The following IGSF21 variants were observed in gnomAD, a reference collection of about 807,000 sequenced individuals.
IGSF21 encodes the protein immunoglobulin superfamily member 21.
A neutral mutation model predicts 46.8 loss-of-function variants in IGSF21; 28 were observed. The ratio of observed to expected loss-of-function variants is 0.60; its 90% CI spans 0.44 to 0.82. IGSF21 has a LOEUF of 0.82. Among genes scored for constraint, IGSF21 ranks in the 40% least tolerant of loss-of-function variants. IGSF21 has a pLI of 0.00. For missense variants in IGSF21, 624 were observed against 665.5 expected (o/e 0.94, Z 0.69); for synonymous variants, 284 against 273.6 (o/e 1.04, Z -0.38).
At chr1:18,160,917 C>T (rs2124443108) in intron 1 of IGSF21, among the ~76,000 whole-genome samples, 1 of 152,280 alleles carries the variant, frequency 6.6e-6, no homozygotes, top group East Asian at 1.9e-4. Context: ...TGGAGGCTGA[C>T]TTGGCCTGCT....
chr1:18,369,333 G>A (rs1339227734), intron 6 of IGSF21, among the ~76,000 whole-genome samples: 3 of 152,224 alleles, frequency 2.0e-5, no homozygotes, highest in African/African-American at 4.8e-5. Context: ...TCTGCAAGAT[G>A]CTTTCCTCAC....
intron 2 of IGSF21, among the ~76,000 whole-genome samples, chr1:18,288,315 G>T (rs1366694259): frequency 1.3e-5 from 2 of 152,168 alleles, no homozygotes; most frequent in Non-Finnish European, 2.9e-5. Flanking sequence ...CCTCCAAGGG[G>T]ATTCTTGGCT....
At chr1:18,218,246 C>A (rs1357615179) in intron 1 of IGSF21, among the ~76,000 whole-genome samples, 1 of 152,174 alleles carries the variant, frequency 6.6e-6, no homozygotes. Flanking sequence ...GGGGGAGCTG[C>A]TACACACTTT....
chr1:18,365,640 A>G lies in IGSF21; in HGVS notation c.958A>G (p.Ser320Gly). 2 of 1,614,194 alleles carry G rather than the reference A, an allele frequency of 1.2e-6. No homozygotes were observed. Among genetic ancestry groups the G allele is most frequent in the Non-Finnish European group, 1.7e-6 (2 of 1,180,024 alleles). The change falls in exon 6 of 10, where the codon AGC becomes GGC. Residue 320 changes from serine to glycine, a missense_variant. Ser to Gly is a moderately conservative substitution (Grantham distance 56, BLOSUM62 0). Transcript: ENST00000251296. The surrounding 1 kb of genome is among the most constrained non-coding windows in gnomAD (Gnocchi z 4.8). ...NPQIDNEALF[S>G]CEVKHPALSM... ...ACAGATCGACAACGAGGCCCTCTTC[A>G]GCTGCGAGGTCAAGCACCCAGCTCT...
At chr1:18,320,203 G>A (rs1047795949) in intron 3 of IGSF21, among the ~76,000 whole-genome samples, 1 of 152,158 alleles carries the variant, frequency 6.6e-6, no homozygotes, top group Non-Finnish European at 1.5e-5. Context: ...GTGCCAGCAG[G>A]AGTCCAGGCA....
At chr1:18,351,304 T>C (rs943750316) in intron 4 of IGSF21, among the ~76,000 whole-genome samples, 7 of 116,742 alleles carry the variant, frequency 6.0e-5, no homozygotes, top group Non-Finnish European at 1.3e-4. Context: ...CTTCATTCTA[T>C]GGGTGGGGGG....
At chr1:18,206,081 G>A (rs1043016938) in intron 1 of IGSF21, among the ~76,000 whole-genome samples, 6 of 152,224 alleles carry the variant, frequency 3.9e-5, no homozygotes, top group Non-Finnish European at 8.8e-5. Context: ...TTTAAATATG[G>A]TGTCAGGCAA....
In IGSF21 at chr1:18,108,186, G is replaced by T; in HGVS notation, c.58G>T (p.Asp20Tyr). The T allele has an allele frequency of 6.9e-7, 1 of 1,439,196 alleles. No individual in the cohort carries two copies. Among genetic ancestry groups the T allele is most frequent in the Non-Finnish European group, 9.1e-7 (1 of 1,098,638 alleles). 89.2% of individuals were successfully genotyped at this position (1,439,196 alleles called of 1,614,324 possible). A position where few individuals can be genotyped will look rare whatever the true frequency, so the allele number is the denominator to read the frequency against. ...CVCLLLAAILDLARGYLTVNI... is the reference protein window; with the variant it reads ...CVCLLLAAILYLARGYLTVNI... Reference sequence around the variant, plus strand: ...CTGCCTGCTGCTCGCCGCGATCCTGGACCTGGCGCGCGGTGAGTGCGCGGG... The same window carrying T: ...CTGCCTGCTGCTCGCCGCGATCCTGTACCTGGCGCGCGGTGAGTGCGCGGG... The change falls in exon 1 of 10, where the codon GAC becomes TAC. Residue 20 changes from aspartate to tyrosine, a missense_variant. Transcript: ENST00000251296.
At chr1:18,263,038 G>T (rs920348447) in intron 2 of IGSF21, among the ~76,000 whole-genome samples, 3 of 152,188 alleles carry the variant, frequency 2.0e-5, no homozygotes, top group South Asian at 2.1e-4. Context: ...CTGGACATCC[G>T]CAGGATGGGG....
At chr1:18,297,332 G>A (rs917254232) in intron 3 of IGSF21, among the ~76,000 whole-genome samples, 1 of 152,140 alleles carries the variant, frequency 6.6e-6, no homozygotes, top group African/African-American at 2.4e-5. Flanking sequence ...CTTAGGAAAG[G>A]AACATCCAGG....
At chr1:18,323,069 C>T (rs922713035) in intron 3 of IGSF21, among the ~76,000 whole-genome samples, 3 of 152,158 alleles carry the variant, frequency 2.0e-5, no homozygotes, top group African/African-American at 7.2e-5. Context: ...CACTGACTTC[C>T]TGGCTTGGAT....
chr1:18,371,633 C>A (rs1369347296), intron 6 of IGSF21, among the ~76,000 whole-genome samples: 2 of 151,846 alleles, frequency 1.3e-5, no homozygotes, highest in African/African-American at 4.8e-5. Flanking sequence ...TGTGTGAGTC[C>A]ATTTATTTGA....
intron 1 of IGSF21, among the ~76,000 whole-genome samples, chr1:18,198,907 C>G (rs937112221): frequency 1.3e-5 from 2 of 152,074 alleles, no homozygotes; most frequent in East Asian, 3.9e-4. Flanking sequence ...CTCCCCTGCC[C>G]CCTCTGCCCA....
intron 1 of IGSF21, chr1:18,110,389 CTG>C (rs1201382605): frequency 6.6e-6 from 1 of 152,428 alleles, no homozygotes; most frequent in African/African-American, 2.4e-5. Flanking sequence ...AAGAGGCGGG[CTG>C]TGCCGGAGGA....
chr1:18,318,228 C>A (rs2085562609), intron 3 of IGSF21, among the ~76,000 whole-genome samples: 1 of 152,132 alleles, frequency 6.6e-6, no homozygotes, highest in Non-Finnish European at 1.5e-5. Flanking sequence ...AAGCCCTGGC[C>A]CCCCGTCCCA....
chr1:18,189,016 C>T (rs2086930380), intron 1 of IGSF21, among the ~76,000 whole-genome samples: 1 of 152,146 alleles, frequency 6.6e-6, no homozygotes, highest in Admixed American at 6.5e-5. Context: ...CCCCTGGGCT[C>T]ACCCTGGGTG....
At chr1:18,358,046 A>AGG (rs2086040447) in intron 4 of IGSF21, among the ~76,000 whole-genome samples, 4 of 144,658 alleles carry the variant, frequency 2.8e-5, no homozygotes, top group Admixed American at 2.7e-4. Context: ...AGAGAGAGAG[A>AGG]GTGTGTGTGT....
At chr1:18,368,066 C>T (rs1268331788) in intron 6 of IGSF21, among the ~76,000 whole-genome samples, 1 of 152,004 alleles carries the variant, frequency 6.6e-6, no homozygotes, top group Admixed American at 6.6e-5. Context: ...AGCTGAGGCT[C>T]AGGGAAGTTA....
intron 3 of IGSF21, among the ~76,000 whole-genome samples, chr1:18,300,453 C>T (rs928356610): frequency 2.6e-5 from 4 of 152,212 alleles, no homozygotes; most frequent in Admixed American, 1.3e-4. Context: ...TAAAGCCAGA[C>T]CACTTTTAAT....
Sources: allele counts gnomAD v4.1 joint callset (sites outside exome capture counted in the v4.1 genomes callset), GRCh38; gene constraint gnomAD v4.1.1; non-coding constraint Gnocchi (gnomAD v3.1); transcripts MANE v1.5; gene names NCBI Gene and HGNC (gene_info 2026-07-23, HGNC 2026-07-21).